The following PRKCB variants were observed in gnomAD, a reference collection of about 807,000 sequenced individuals.
The protein encoded by PRKCB is protein kinase C beta type.
A neutral mutation model predicts 81.5 loss-of-function variants in PRKCB; 13 were observed. The ratio of observed to expected loss-of-function variants is 0.16; its 90% confidence interval spans 0.10 to 0.25. The LOEUF (loss-of-function observed/expected upper bound fraction) is 0.25, where lower values mean the gene tolerates loss of function less well. PRKCB is among the 10% of genes least tolerant of loss of function. PRKCB has a pLI of 1.00. For missense variants in PRKCB, 509 were observed against 875.7 expected, an observed-to-expected ratio of 0.58 and a Z score of 5.29; for synonymous variants, 335 against 321.4, an observed-to-expected ratio of 1.04 and a Z score of -0.45.
At chr16:23,971,286 C>T (rs1008545787) in intron 2 of PRKCB, among the ~76,000 whole-genome samples, 12 of 152,164 alleles carry the variant, frequency 7.9e-5, no homozygotes, top group Admixed American at 4.6e-4. Flanking sequence ...AGCGGGCAAT[C>T]GTGATCGCCA....
At chr16:23,862,076 T>C (rs1962676695) in intron 2 of PRKCB, among the ~76,000 whole-genome samples, 2 of 152,160 alleles carry the variant, frequency 1.3e-5, no homozygotes, top group Non-Finnish European at 2.9e-5. Context: ...ATCTTCCTGG[T>C]TTTTTGTATG....
chr16:23,892,093 C>T (rs762945509), intron 2 of PRKCB, among the ~76,000 whole-genome samples: 4 of 151,896 alleles, frequency 2.6e-5, no homozygotes, highest in Non-Finnish European at 5.9e-5. Flanking sequence ...GAAACAAATG[C>T]CTGTTAATAA....
Position 24,215,647 on chromosome 16 carries a change from A to G in PRKCB, c.*831A>G. ...CTGTTGTTGTTCAAATGCAAAAAAA[A>G]GAAAAAAAAAGAAAAAAAAAGGTGA... is the stretch of plus-strand genomic sequence containing the variant. On this transcript the variant is annotated 3_prime_UTR_variant, in exon 17 of 17. Transcript: ENST00000643927. 1 of 920,262 alleles carries G rather than the reference A, an allele frequency of 1.1e-6. No homozygotes were observed. The allele number at this position is 920,262 out of a possible 1,614,324, so 57.0% of individuals were successfully genotyped here. A position where few individuals can be genotyped will look rare whatever the true frequency, so the allele number is the denominator to read the frequency against.
At chr16:23,971,857 T>C (rs1397600378) in intron 2 of PRKCB, among the ~76,000 whole-genome samples, 2 of 152,178 alleles carry the variant, frequency 1.3e-5, no homozygotes, top group Non-Finnish European at 2.9e-5. Context: ...AATGGCAGTT[T>C]CTTATTAAGT....
At chr16:23,914,452 T>C (rs556405194) in intron 2 of PRKCB, among the ~76,000 whole-genome samples, 10 of 152,142 alleles carry the variant, frequency 6.6e-5, no homozygotes, top group South Asian at 2.1e-4. Context: ...CCACCCTGAA[T>C]TGGATGCTTG....
At chr16:24,021,055 TTTCCCTCCCTCCCTCCC>T (rs1965368116) in intron 3 of PRKCB, among the ~76,000 whole-genome samples, 24 of 55,976 alleles carry the variant, frequency 4.3e-4, no homozygotes, top group Admixed American at 1.1e-3. Flanking sequence ...TCTTTCTTTC[TTTCCCTCCCTCCCTCCC>T]TTCTTTCTTT....
Position 24,189,212 on chromosome 16 carries a change from A to G in PRKCB, c.1723-1878A>G, listed in dbSNP as rs536326715. Among the ~76,000 whole-genome samples the G allele has an allele frequency of 2.0e-5, 3 of 152,300 alleles. No individual in the cohort carries two copies. In the South Asian group the frequency reaches 6.2e-4, roughly 32 times the overall value. ...TCTGCACCCAGCTCTTACTGACTCT[A>G]CCACTTCCTCTCTGGAGTCCTTACT... On this transcript the variant is annotated intron_variant, in intron 15 of 16. Coordinates refer to ENST00000643927, the MANE Select transcript of PRKCB (RefSeq NM_002738.7).
intron 5 of PRKCB, among the ~76,000 whole-genome samples, chr16:24,063,450 A>G (rs1243711438): frequency 1.3e-5 from 2 of 151,914 alleles, no homozygotes; most frequent in Admixed American, 6.6e-5. Flanking sequence ...GTGTGCCACC[A>G]TGTCTGCCTA....
intron 2 of PRKCB, among the ~76,000 whole-genome samples, chr16:23,867,065 TTTCTTTCTTTC>T (rs2141096072): frequency 6.5e-5 from 6 of 91,968 alleles, no homozygotes; most frequent in African/African-American, 1.8e-4. Context: ...TCTCTCTCTC[TTTCTTTCTTTC>T]TCTTTCTTTC....
chr16:24,113,100 T>C (rs765825855), intron 8 of PRKCB, 31 bp downstream of exon 8: 1 of 1,543,746 alleles, frequency 6.5e-7, no homozygotes, highest in Non-Finnish European at 8.9e-7. Flanking sequence ...CTCTTCTTTC[T>C]TTTTTCTCTT....
intron 2 of PRKCB, chr16:23,893,963 T>A (rs1273476750): frequency 6.6e-6 from 1 of 152,260 alleles, no homozygotes; most frequent in Non-Finnish European, 1.5e-5. Context: ...AACTTAGTGG[T>A]GTCAAACAAT....
chr16:24,048,362 A>G (rs555598311), intron 5 of PRKCB, among the ~76,000 whole-genome samples: 1 of 152,298 alleles, frequency 6.6e-6, no homozygotes. Context: ...CTGGGACTTG[A>G]ATCTAACTAT....
chr16:23,998,986 C>A (rs115107377), intron 3 of PRKCB, among the ~76,000 whole-genome samples: 9 of 152,184 alleles, frequency 5.9e-5, no homozygotes, highest in African/African-American at 2.2e-4. Flanking sequence ...TGGCAGCCTA[C>A]CTGAAATGAT....
intron 9 of PRKCB, among the ~76,000 whole-genome samples, chr16:24,133,516 G>T (rs563563768): frequency 7.5e-4 from 114 of 152,290 alleles, no homozygotes; most frequent in African/African-American, 2.7e-3. Flanking sequence ...TCTCTAGTGA[G>T]TGCAGTGACT....
At chr16:24,133,455 G>C (rs1160117569) in intron 9 of PRKCB, among the ~76,000 whole-genome samples, 1 of 152,164 alleles carries the variant, frequency 6.6e-6, no homozygotes. Context: ...CTGCCCTTCT[G>C]ACCTCCTCCA....
intron 2 of PRKCB, among the ~76,000 whole-genome samples, chr16:23,844,602 G>C (rs1459577014): frequency 6.6e-6 from 1 of 152,034 alleles, no homozygotes; most frequent in Non-Finnish European, 1.5e-5. Flanking sequence ...CCACCTCCCA[G>C]GTTCACGCCA....
chr16:23,889,725 CAT>C (rs1963262138), intron 2 of PRKCB, among the ~76,000 whole-genome samples: 2 of 152,224 alleles, frequency 1.3e-5, no homozygotes, highest in Admixed American at 6.5e-5. Context: ...CTCCTGGAGA[CAT>C]AGAACTTCTT....
chr16:24,012,305 C>T (rs8058737), intron 3 of PRKCB, among the ~76,000 whole-genome samples: 11,281 of 152,188 alleles, frequency 0.074, 825 homozygotes, highest in African/African-American at 0.19. Flanking sequence ...TTTTTAACAC[C>T]TATTTTATAG....
chr16:24,071,823 G>A (rs1966111729), intron 5 of PRKCB, among the ~76,000 whole-genome samples: 1 of 152,116 alleles, frequency 6.6e-6, no homozygotes, highest in South Asian at 2.1e-4. Flanking sequence ...AAGTTATGGT[G>A]GGGGCCGAAG....
Sources: gnomAD v4.1 joint callset for allele counts (sites outside exome capture counted in the v4.1 genomes callset) on GRCh38, gnomAD v4.1.1 for gene constraint, MANE v1.5 for transcripts, NCBI Gene and HGNC (gene_info 2026-07-23, HGNC 2026-07-21) for gene names.